KLHL1: variants seen among roughly 807,000 people sequenced by gnomAD.
The protein encoded by KLHL1 is kelch like family member 1, also known as kelch-like protein 1.
Under a neutral mutation model 77.7 loss-of-function variants are expected in KLHL1, and 47 were observed. That is an observed-to-expected ratio of 0.60 (90% CI 0.48 to 0.77). The LOEUF (loss-of-function observed/expected upper bound fraction) is 0.77, where lower values mean the gene tolerates loss of function less well. Among genes scored for constraint, KLHL1 ranks in the 30% least tolerant of loss-of-function variants. KLHL1 has a pLI of 0.00. For synonymous variants in KLHL1, 360 were observed against 325.2 expected (o/e 1.11, Z -1.15); for missense variants, 925 against 910.8 (o/e 1.02, Z -0.20).
At chr13:69,841,601 G>A (rs1287501198) in intron 5 of KLHL1, among the ~76,000 whole-genome samples, 1 of 151,720 alleles carries the variant, frequency 6.6e-6, no homozygotes, top group Non-Finnish European at 1.5e-5. Context: ...CAGATCAGAA[G>A]AATTAATATC....
intron 4 of KLHL1, among the ~76,000 whole-genome samples, chr13:69,936,166 G>A (rs78851095): frequency 0.013 from 1,941 of 152,226 alleles, 51 homozygotes; most frequent in African/African-American, 0.044. Flanking sequence ...ACAAGAGGAA[G>A]GTCTGAGTTA....
intron 7 of KLHL1, among the ~76,000 whole-genome samples, chr13:69,781,149 T>C (rs953330877): frequency 1.3e-5 from 2 of 152,138 alleles, no homozygotes; most frequent in African/African-American, 2.4e-5. Context: ...AGAGACCATA[T>C]ACTGACTATG....
At chr13:69,916,775 T>C (rs962448934) in intron 4 of KLHL1, among the ~76,000 whole-genome samples, 2 of 151,586 alleles carry the variant, frequency 1.3e-5, no homozygotes, top group Admixed American at 6.6e-5. Flanking sequence ...AAAAACCACA[T>C]AGTAAATGGC....
At chr13:70,081,935 G>C (rs1887401347) in intron 1 of KLHL1, among the ~76,000 whole-genome samples, 1 of 152,188 alleles carries the variant, frequency 6.6e-6, no homozygotes, top group South Asian at 2.1e-4. Context: ...ATGTAGAATT[G>C]TAATCCCCAA....
chr13:70,031,835 T>G (rs1886109473), intron 1 of KLHL1, among the ~76,000 whole-genome samples: 2 of 152,186 alleles, frequency 1.3e-5, no homozygotes, highest in South Asian at 2.1e-4. Flanking sequence ...AATAATATGG[T>G]TGTTCTGACT....
At chr13:69,723,569 C>T (rs1873161525) in intron 8 of KLHL1, among the ~76,000 whole-genome samples, 1 of 152,048 alleles carries the variant, frequency 6.6e-6, no homozygotes, top group Middle Eastern at 3.2e-3. Flanking sequence ...ATAGACCCCT[C>T]CTCTTGGCCA....
At chr13:69,799,886 G>C (rs1593843616) in intron 6 of KLHL1, among the ~76,000 whole-genome samples, 1 of 152,156 alleles carries the variant, frequency 6.6e-6, no homozygotes, top group Admixed American at 6.5e-5. Context: ...TCCACCTTCT[G>C]TCAGACCAGC....
intron 6 of KLHL1, among the ~76,000 whole-genome samples, chr13:69,810,478 T>A (rs1485968249): frequency 2.0e-5 from 3 of 152,018 alleles, no homozygotes; most frequent in Non-Finnish European, 4.4e-5. Flanking sequence ...ATTAATTTTT[T>A]AAAAAACAAA....
intron 4 of KLHL1, among the ~76,000 whole-genome samples, chr13:69,884,293 G>A (rs1200716239): frequency 2.0e-5 from 3 of 152,006 alleles, no homozygotes; most frequent in African/African-American, 7.2e-5. Context: ...ATAACTGAAA[G>A]TAGTTATTTT....
chr13:69,895,823 C>T (rs917237924), intron 4 of KLHL1, among the ~76,000 whole-genome samples: 1 of 151,632 alleles, frequency 6.6e-6, no homozygotes, highest in Non-Finnish European at 1.5e-5. Context: ...TCTCTTGATC[C>T]AGCCTCCATA....
At chr13:69,822,812 T>C (rs1198378498) in intron 6 of KLHL1, among the ~76,000 whole-genome samples, 2 of 152,180 alleles carry the variant, frequency 1.3e-5, no homozygotes, top group African/African-American at 4.8e-5. Context: ...TTAATATAAT[T>C]ATCTGATAAA....
chr13:69,715,332 G>A (rs1392969917), intron 9 of KLHL1, among the ~76,000 whole-genome samples: 1 of 152,050 alleles, frequency 6.6e-6, no homozygotes, highest in Non-Finnish European at 1.5e-5. Flanking sequence ...CAGTGAGTGA[G>A]TTTCCATGAG....
chr13:69,930,233 T>TA (rs1258038137), intron 4 of KLHL1, among the ~76,000 whole-genome samples: 1 of 151,866 alleles, frequency 6.6e-6, no homozygotes, highest in Non-Finnish European at 1.5e-5. Flanking sequence ...TTTTATGATG[T>TA]AAAAAATGTG....
intron 1 of KLHL1, among the ~76,000 whole-genome samples, chr13:70,012,358 T>C: frequency 6.6e-6 from 1 of 152,154 alleles, no homozygotes; most frequent in South Asian, 2.1e-4. Flanking sequence ...TATTTACCTA[T>C]ATTTTTCACT....
chr13:69,883,594 G>C (rs565403549), intron 4 of KLHL1, among the ~76,000 whole-genome samples: 1 of 152,278 alleles, frequency 6.6e-6, no homozygotes, highest in East Asian at 1.9e-4. Context: ...CAAATTTTAA[G>C]CTGTAAGACC....
chr13:69,741,182 TAGAG>T (rs1873973610), intron 7 of KLHL1, among the ~76,000 whole-genome samples: 3 of 152,178 alleles, frequency 2.0e-5, no homozygotes, highest in East Asian at 1.9e-4. Flanking sequence ...ATACAATTAA[TAGAG>T]AGCCATCCAT....
chr13:69,922,215 C>A (rs894631077), intron 4 of KLHL1, among the ~76,000 whole-genome samples: 2 of 151,838 alleles, frequency 1.3e-5, no homozygotes, highest in African/African-American at 4.8e-5. Flanking sequence ...CCAATGTGCT[C>A]GGATTACTTG....
chr13:69,803,462 T>C (rs1877479607), intron 6 of KLHL1, among the ~76,000 whole-genome samples: 1 of 152,214 alleles, frequency 6.6e-6, no homozygotes, highest in African/African-American at 2.4e-5. Flanking sequence ...AATTAATATA[T>C]GCAGTGGGTA....
chr13:69,815,222 G>T (rs1258574895), intron 6 of KLHL1, among the ~76,000 whole-genome samples: 1 of 152,086 alleles, frequency 6.6e-6, no homozygotes, highest in African/African-American at 2.4e-5. Flanking sequence ...CAAAGGAAAA[G>T]AAATCATTCT....
Sources: gnomAD v4.1 joint callset for allele counts (sites outside exome capture counted in the v4.1 genomes callset) on GRCh38, gnomAD v4.1.1 for gene constraint, MANE v1.5 for transcripts, NCBI Gene and HGNC (gene_info 2026-07-23, HGNC 2026-07-21) for gene names.